The following METTL16 variants were observed in gnomAD, a reference collection of about 807,000 sequenced individuals.
METTL16 encodes methyltransferase 16, RNA N6-adenosine.
A neutral mutation model predicts 57.9 loss-of-function variants in METTL16; 19 were observed. The observed-to-expected ratio is 0.33, with a 90% CI of 0.23 to 0.48. METTL16 has a LOEUF of 0.48. METTL16 is among the 20% of genes least tolerant of loss of function. The pLI is 0.99. For missense variants in METTL16, 434 were observed against 691.5 expected (o/e 0.63, Z 4.18); for synonymous variants, 246 against 255.6 (o/e 0.96, Z 0.36).
At chr17:2,467,709 A>G in intron 5 of METTL16, 52 bp downstream of exon 5, 4 of 1,429,298 alleles carry the variant, frequency 2.8e-6, no homozygotes, top group Middle Eastern at 1.8e-4. Context: ...TACAGGCGTG[A>G]GCCACCGCGC....
At chr17:2,509,630 C>G (rs1183753952) in intron 1 of METTL16, among the ~76,000 whole-genome samples, 1 of 152,180 alleles carries the variant, frequency 6.6e-6, no homozygotes, top group Non-Finnish European at 1.5e-5. Flanking sequence ...TCGCTCACGA[C>G]TATAATCCCA....
intron 6 of METTL16, among the ~76,000 whole-genome samples, chr17:2,448,773 T>TAAAAAAAAAAAAA (rs1391105641): frequency 1.7e-4 from 5 of 29,594 alleles, no homozygotes; most frequent in Non-Finnish European, 2.7e-4. Flanking sequence ...AAATAAAAAA[T>TAAAAAAAAAAAAA]AAAAAAATAA....
chr17:2,480,309 T>C (rs2067296675), intron 2 of METTL16, among the ~76,000 whole-genome samples: 1 of 152,096 alleles, frequency 6.6e-6, no homozygotes, highest in African/African-American at 2.4e-5. Flanking sequence ...TATACAAAAA[T>C]TGCATTCCAT....
intron 6 of METTL16, among the ~76,000 whole-genome samples, chr17:2,462,460 G>A (rs1324320392): frequency 6.6e-6 from 1 of 152,130 alleles, no homozygotes; most frequent in Non-Finnish European, 1.5e-5. Context: ...ATGGCGATAC[G>A]GTTTGGATTT....
chr17:2,428,595 ATATATAT>A lies in METTL16; in HGVS notation c.889-7698_889-7692del, dbSNP rs1567881694. Among the ~76,000 whole-genome samples, 61 of 47,514 alleles carry A rather than the reference ATATATAT, an allele frequency of 1.3e-3. 6 individuals carry two copies. Among genetic ancestry groups the A allele is most frequent in the African/African-American group, 6.3e-3 (53 of 8,418 alleles). The allele number at this position is 47,514 out of a possible 152,430, so 31.2% of individuals were successfully genotyped here. ...TATATATATATATATATATATATAT[ATATATAT>A]AAATTGTAATACAGCGGGGCACAGT... On this transcript the variant is annotated intron_variant, in intron 8 of 9. Transcript: ENST00000263092.
chr17:2,439,604 T>C (rs1408959830), intron 7 of METTL16, among the ~76,000 whole-genome samples: 1 of 151,918 alleles, frequency 6.6e-6, no homozygotes, highest in Non-Finnish European at 1.5e-5. Context: ...AAGGAGTGAG[T>C]TGAACTTGTC....
intron 6 of METTL16, among the ~76,000 whole-genome samples, chr17:2,447,255 C>T (rs1350701473): frequency 8.8e-5 from 13 of 148,158 alleles, no homozygotes; most frequent in South Asian, 8.7e-4. Flanking sequence ...ATGTGAGGAG[C>T]GCCTCTGCTG....
At chr17:2,444,713 AT>A (rs1284220670) in intron 6 of METTL16, among the ~76,000 whole-genome samples, 2,789 of 129,278 alleles carry the variant, frequency 0.022, 26 homozygotes, top group Non-Finnish European at 0.025. Context: ...CAGATGGACC[AT>A]TTTTTTTTTT....
In METTL16 at chr17:2,437,982, C is replaced by T. The variant is rs2066920856; in HGVS notation, c.888+127G>A. The T allele has an allele frequency of 4.2e-6, 3 of 710,980 alleles. No individual in the cohort carries two copies. The South Asian group carries it at 4.8e-5, about 11-fold the overall frequency. The allele number at this position is 710,980 out of a possible 1,614,324, so 44.0% of individuals were successfully genotyped here. A position where few individuals can be genotyped will look rare whatever the true frequency, so the allele number is the denominator to read the frequency against. On this transcript the variant is annotated intron_variant, in intron 8 of 9. Coordinates refer to ENST00000263092, the MANE Select transcript of METTL16 (RefSeq NM_024086.4). ...ACTGTGTCTTGGTTACAACCCCTTT[C>T]CATTCTGACATAAGCATTTGGGACA... is the stretch of plus-strand genomic sequence containing the variant.
chr17:2,485,304 CG>C (rs1345633778), intron 2 of METTL16, among the ~76,000 whole-genome samples: 8 of 151,962 alleles, frequency 5.3e-5, no homozygotes, highest in Non-Finnish European at 7.4e-5. Context: ...AAACAAGCTG[CG>C]GGAAAACAAG....
In METTL16 at chr17:2,477,579, GCTT is replaced by G. The variant is rs1187752935; in HGVS notation, c.328+104_328+106del. 4.9e-6 allele frequency: 4 copies of G among 817,898 alleles called. No homozygotes were observed. In the African/African-American group the frequency reaches 6.9e-5, roughly 14 times the overall value. 50.7% of individuals were successfully genotyped at this position (817,898 alleles called of 1,614,324 possible). On this transcript the variant is annotated intron_variant, in intron 3 of 9. Transcript: ENST00000263092. ...GATGCTCAACCTGTATCTGTAGCCA[GCTT>G]CTTTTGTACAACAACAAATACCCAG...
At position 2,467,234 on chromosome 17, in the gene METTL16, G is replaced by A. The variant is rs111844050; in HGVS notation, c.585+527C>T. Reference sequence around the variant, plus strand: ...TAACTGGTATACAGCTTTCAAAAGCGAGGCACTGCAGCACACGCCTATGGC... The same window carrying A: ...TAACTGGTATACAGCTTTCAAAAGCAAGGCACTGCAGCACACGCCTATGGC... On this transcript the variant is annotated intron_variant, in intron 5 of 9. Coordinates refer to ENST00000263092, the MANE Select transcript of METTL16 (RefSeq NM_024086.4). Among the ~76,000 whole-genome samples the A allele has an allele frequency of 1.6e-3, 243 of 152,208 alleles. 3 individuals are homozygous for A. The highest frequency in any genetic ancestry group is 2.4e-3 in the Non-Finnish European group (164 of 68,024).
intron 1 of METTL16, among the ~76,000 whole-genome samples, chr17:2,510,866 G>C (rs1256503033): frequency 6.6e-6 from 1 of 151,984 alleles, no homozygotes; most frequent in Non-Finnish European, 1.5e-5. Flanking sequence ...GTCTGGCTTT[G>C]CTACCCAGGC....
intron 8 of METTL16, among the ~76,000 whole-genome samples, chr17:2,433,755 C>T (rs1475786890): frequency 6.6e-6 from 1 of 152,214 alleles, no homozygotes; most frequent in Admixed American, 6.5e-5. Flanking sequence ...GGATCCTGCG[C>T]ACGATGTTGC....
chr17:2,464,143 A>C (rs2067173004), intron 6 of METTL16, 65 bp downstream of exon 6: 2 of 1,511,504 alleles, frequency 1.3e-6, no homozygotes, highest in East Asian at 4.6e-5. Context: ...AAAAAAGAGA[A>C]CTACATAGCG....
chr17:2,480,561 G>C (rs1315329610), intron 2 of METTL16, among the ~76,000 whole-genome samples: 1 of 152,194 alleles, frequency 6.6e-6, no homozygotes. Flanking sequence ...AAAGGAATCG[G>C]AGTTCCTTGG....
intron 1 of METTL16, among the ~76,000 whole-genome samples, chr17:2,510,263 C>G (rs1231155923): frequency 1.3e-5 from 2 of 152,126 alleles, no homozygotes; most frequent in African/African-American, 4.8e-5. Flanking sequence ...ATGGGGTATT[C>G]ACCACTTTGA....
At chr17:2,428,744 G>GA (rs955764767) in intron 8 of METTL16, among the ~76,000 whole-genome samples, 27 of 142,302 alleles carry the variant, frequency 1.9e-4, no homozygotes, top group African/African-American at 5.4e-4. Flanking sequence ...TTAATAAAAA[G>GA]AAAAAAAAAA....
At chr17:2,506,068 A>C (rs1040617362) in intron 1 of METTL16, among the ~76,000 whole-genome samples, 2 of 151,602 alleles carry the variant, frequency 1.3e-5, no homozygotes, top group African/African-American at 4.8e-5. Flanking sequence ...CCCGGGTTCA[A>C]GCGATTCTCC....
Sources: allele counts gnomAD v4.1 joint callset (sites outside exome capture counted in the v4.1 genomes callset), GRCh38; gene constraint gnomAD v4.1.1; transcripts MANE v1.5; gene names NCBI Gene and HGNC (gene_info 2026-07-23, HGNC 2026-07-21).